CFAP206: variants seen among roughly 807,000 people sequenced by gnomAD.
CFAP206 encodes cilia- and flagella-associated protein 206.
In CFAP206, 53 loss-of-function variants were observed where a neutral mutation model predicts 65.4. The observed-to-expected ratio is 0.81, with a 90% CI of 0.65 to 1.02. The LOEUF is 1.02. Among genes scored for constraint, CFAP206 ranks in the 50% least tolerant of loss-of-function variants. The probability of loss-of-function intolerance (pLI) is 0.00; values close to 1 mark genes in which losing one functional copy is unlikely to be tolerated. For missense variants in CFAP206, 663 were observed against 753.2 expected (o/e 0.88, Z 1.40); for synonymous variants, 250 against 254.4 (o/e 0.98, Z 0.17).
intron 11 of CFAP206, among the ~76,000 whole-genome samples, chr6:87,436,445 C>T (rs1213500147): frequency 2.0e-5 from 3 of 152,066 alleles, no homozygotes; most frequent in Non-Finnish European, 4.4e-5. Context: ...TGCCATTGAC[C>T]TGGCCAGCAG....
chr6:87,428,729 G>T lies in CFAP206; in HGVS notation c.1064G>T (p.Gly355Val), dbSNP rs952822289. The T allele has an allele frequency of 2.5e-6, 4 of 1,613,972 alleles. No individual in the cohort carries two copies. Among genetic ancestry groups the T allele is most frequent in the Non-Finnish European group, 3.4e-6 (4 of 1,180,014 alleles). ...NLFTHIQPFL[G>V]AHELYFPERV... is the part of the protein sequence containing the mutation. ...TTCACTCACATTCAGCCATTCTTGG[G>T]TGCTCACGAACTATACTTTCCTGAG... is the stretch of plus-strand genomic sequence containing the variant. Residue 355 changes from glycine to valine, a missense_variant, in exon 9 of 13, where the codon GGT becomes GTT. Gly to Val is a moderately radical substitution (Grantham distance 109). Coordinates refer to ENST00000369562, the MANE Select transcript of CFAP206 (RefSeq NM_001031743.3).
intron 4 of CFAP206, among the ~76,000 whole-genome samples, chr6:87,415,141 C>T (rs934599901): frequency 2.0e-5 from 3 of 151,734 alleles, no homozygotes; most frequent in African/African-American, 7.3e-5. Flanking sequence ...ATACAGTTCT[C>T]GATGCAACAT....
chr6:87,454,184 A>G (rs184274446), intron 11 of CFAP206, among the ~76,000 whole-genome samples: 1 of 152,356 alleles, frequency 6.6e-6, no homozygotes, highest in Admixed American at 6.5e-5. Flanking sequence ...CAGCAAGAGG[A>G]TTTAATAGTT....
At chr6:87,445,031 C>A in intron 11 of CFAP206, 4 of 519,212 alleles carry the variant, frequency 7.7e-6, no homozygotes, top group South Asian at 5.6e-5. Flanking sequence ...GTAGAATGGT[C>A]AAGAGAGGAT....
At position 87,417,467 on chromosome 6, in the gene CFAP206, C is replaced by G. The variant is rs116656005; in HGVS notation, c.631+640C>G. Among the ~76,000 whole-genome samples the G allele has an allele frequency of 2.6e-3, 387 of 150,968 alleles. 2 individuals carry two copies. Among genetic ancestry groups the G allele is most frequent in the African/African-American group, 9.1e-3 (373 of 41,118 alleles). On this transcript the variant is annotated intron_variant, in intron 6 of 12. Transcript: ENST00000369562. ...TATTTTAAAAACTGTTCTAAAAAGTCAAATTTCCATTTTCATAAATGACCC... is the reference window on the plus strand; with the variant it reads ...TATTTTAAAAACTGTTCTAAAAAGTGAAATTTCCATTTTCATAAATGACCC...
chr6:87,463,215 C>G (rs1047476397), intron 12 of CFAP206, among the ~76,000 whole-genome samples: 1 of 152,176 alleles, frequency 6.6e-6, no homozygotes, highest in African/African-American at 2.4e-5. Context: ...AATGAGCAAT[C>G]AAGTTATTTG....
intron 11 of CFAP206, among the ~76,000 whole-genome samples, chr6:87,447,098 A>C (rs1324476439): frequency 6.6e-6 from 1 of 152,184 alleles, no homozygotes; most frequent in Non-Finnish European, 1.5e-5. Context: ...TTTTGGGCTA[A>C]GACAGTGGGG....
chr6:87,412,175 AG>A, intron 3 of CFAP206, among the ~76,000 whole-genome samples: 1 of 152,360 alleles, frequency 6.6e-6, no homozygotes, highest in South Asian at 2.1e-4. Flanking sequence ...GTTATATTCA[AG>A]TGACAATTTT....
At chr6:87,426,383 G>A in intron 7 of CFAP206, 143 bp from the exon 8 acceptor site, 1 of 492,538 alleles carries the variant, frequency 2.0e-6, no homozygotes, top group Non-Finnish European at 3.5e-6. Flanking sequence ...TGTTCTAGGT[G>A]TTGAGGATCT....
At chr6:87,439,120 CT>C (rs1377681428) in intron 11 of CFAP206, among the ~76,000 whole-genome samples, 12 of 152,116 alleles carry the variant, frequency 7.9e-5, no homozygotes, top group African/African-American at 2.9e-4. Flanking sequence ...AAAAATCTTA[CT>C]GGAATTTTAA....
chr6:87,426,642 C>T lies in CFAP206; in HGVS notation c.957C>T (p.Val319=), dbSNP rs1768049099. 6.4e-7 allele frequency: 1 copy of T among 1,574,492 alleles called. No homozygotes were observed. Among genetic ancestry groups the T allele is most frequent in the Non-Finnish European group, 8.6e-7 (1 of 1,162,038 alleles). The change falls in exon 8 of 13, where the codon GTC becomes GTT. Residue 319 remains valine, a synonymous_variant. Coordinates refer to ENST00000369562, the MANE Select transcript of CFAP206 (RefSeq NM_001031743.3). ...KSKIAVPTSQ[V]FPIFIALSTL... ...AGATAGCGGTCCCAACATCACAAGT[C>T]TTTGTAAGTATTTGTCATAAACTTT...
rs751268137 is a variant in CFAP206, at chr6:87,416,834, AT to A, written c.631+8del. ...GGAGAAGGCATTGATGATTGTAGGT[AT>A]ATCATTAGATTAATTCTAAAGGTTA... On this transcript the variant is annotated splice_region_variant and intron_variant, in intron 6 of 12. Coordinates refer to ENST00000369562, the MANE Select transcript of CFAP206 (RefSeq NM_001031743.3). The A allele has an allele frequency of 4.3e-6, 7 of 1,609,908 alleles. No individual in the cohort carries two copies. Among genetic ancestry groups the A allele is most frequent in the Non-Finnish European group, 5.9e-6 (7 of 1,177,158 alleles).
chr6:87,461,257 AAAT>A (rs1424708204), intron 12 of CFAP206, 92 bp downstream of exon 12: 5 of 849,672 alleles, frequency 5.9e-6, no homozygotes, highest in African/African-American at 1.8e-5. Flanking sequence ...TATTTATATA[AAAT>A]AATGAGTTTT....
rs182218692 is a variant in CFAP206 at position 87,454,928 on chromosome 6, T to A, written c.1495-6094T>A. On this transcript the variant is annotated intron_variant, in intron 11 of 12. Coordinates refer to ENST00000369562, the MANE Select transcript of CFAP206 (RefSeq NM_001031743.3). ...AACTTTATTATTTTATTTTTTTATT[T>A]TTTATTATTTTTTTTATGGAGTCTC... is the stretch of plus-strand genomic sequence containing the variant. 1.2e-3 allele frequency among the ~76,000 whole-genome samples: 179 copies of A among 151,750 alleles called. 2 individuals carry two copies. Among genetic ancestry groups the A allele is most frequent in the Non-Finnish European group, 1.7e-3 (118 of 67,926 alleles).
chr6:87,447,976 T>TATTATTA, intron 11 of CFAP206, among the ~76,000 whole-genome samples: 1 of 151,460 alleles, frequency 6.6e-6, no homozygotes, highest in Non-Finnish European at 1.5e-5. Flanking sequence ...ATTACTATAC[T>TATTATTA]TTAAGTTCTG....
intron 11 of CFAP206, among the ~76,000 whole-genome samples, chr6:87,438,809 A>G (rs1768318859): frequency 6.6e-6 from 1 of 152,076 alleles, no homozygotes; most frequent in Admixed American, 6.6e-5. Context: ...TTCTAATTTT[A>G]TTTTTCTTCA....
At position 87,418,285 on chromosome 6, in the gene CFAP206, G is replaced by T. The variant is rs765650510; in HGVS notation, c.709G>T (p.Val237Leu). ...CCAGCTTGAGACTGCCCGGAGCCAG[G>T]TATACCGCTACACAGCCATCCTTGA... Reference protein sequence around the residue: ...DYQLETARSQVYRYTAILEKA... With the variant: ...DYQLETARSQLYRYTAILEKA... The change falls in exon 7 of 13, where the codon GTA (valine) becomes TTA (leucine). Residue 237 changes from valine to leucine, a missense_variant. Coordinates refer to ENST00000369562, the MANE Select transcript of CFAP206 (RefSeq NM_001031743.3). 9 of 1,614,070 alleles carry T rather than the reference G, an allele frequency of 5.6e-6. No homozygotes were observed. The highest frequency in any genetic ancestry group is 3.3e-5 in the South Asian group (3 of 91,068).
intron 7 of CFAP206, among the ~76,000 whole-genome samples, chr6:87,420,584 G>T (rs1562244770): frequency 6.6e-6 from 1 of 152,186 alleles, no homozygotes; most frequent in Non-Finnish European, 1.5e-5. Flanking sequence ...TCTGTAAAAT[G>T]GGGTTATTCA....
chr6:87,409,714 A>C, intron 1 of CFAP206, 121 bp from the exon 2 acceptor site: 1 of 626,620 alleles, frequency 1.6e-6, no homozygotes, highest in South Asian at 1.9e-5. Context: ...TAAAAATGCT[A>C]ATAAGCTAAT....
Sources: allele counts gnomAD v4.1 joint callset (sites outside exome capture counted in the v4.1 genomes callset), GRCh38; gene constraint gnomAD v4.1.1; transcripts MANE v1.5; gene names NCBI Gene and HGNC (gene_info 2026-07-23, HGNC 2026-07-21).